The following NRP2 variants were observed in gnomAD, a reference collection of about 807,000 sequenced individuals.
The protein encoded by NRP2 is neuropilin-2.
Under a neutral mutation model 110.4 loss-of-function variants are expected in NRP2, and 52 were observed. That is an observed-to-expected ratio of 0.47 (90% CI 0.38 to 0.59). The LOEUF (loss-of-function observed/expected upper bound fraction) is 0.59, where lower values mean the gene tolerates loss of function less well. NRP2 is among the 20% of genes least tolerant of loss of function. NRP2 has a pLI of 0.00. For missense variants in NRP2, 1,049 were observed against 1,203.0 expected, an observed-to-expected ratio of 0.87 and a Z score of 1.89; for synonymous variants, 508 against 468.9, an observed-to-expected ratio of 1.08 and a Z score of -1.08.
In NRP2 at chr2:205,745,823, A is replaced by G. The variant is rs767989880; in HGVS notation, c.1719A>G (p.Val573=). 14 of 1,614,108 alleles carry G rather than the reference A, an allele frequency of 8.7e-6. No homozygotes were observed. The highest frequency in any genetic ancestry group is 1.2e-5 in the Non-Finnish European group (14 of 1,180,028). ...FDPIPAQYVR[V]YPERWSPAGI... ...CCATTCCGGCACAGTATGTGCGGGT[A>G]TACCCGGAGAGGTGGTCGCCGGCGG... The change falls in exon 10 of 17, where the codon GTA becomes GTG. Residue 573 remains valine (V), a synonymous_variant. Coordinates refer to ENST00000357785, the MANE Select transcript of NRP2 (RefSeq NM_003872.3).
At chr2:205,714,779 T>G (rs1240395108) in intron 2 of NRP2, among the ~76,000 whole-genome samples, 1 of 152,176 alleles carries the variant, frequency 6.6e-6, no homozygotes, top group Admixed American at 6.5e-5. Flanking sequence ...AAGAATGAAT[T>G]AATCCTGGCC....
intron 10 of NRP2, among the ~76,000 whole-genome samples, chr2:205,748,631 A>G (rs566962462): frequency 3.3e-5 from 5 of 152,350 alleles, no homozygotes; most frequent in African/African-American, 1.2e-4. Flanking sequence ...GCTTTATTAA[A>G]TGGTATCCTG....
intron 3 of NRP2, among the ~76,000 whole-genome samples, chr2:205,716,784 C>G (rs1399590965): frequency 6.6e-6 from 1 of 152,132 alleles, no homozygotes; most frequent in African/African-American, 2.4e-5. Flanking sequence ...AGGACATAAT[C>G]TTTTCATTGT....
chr2:205,710,644 G>C (rs949722), intron 2 of NRP2, among the ~76,000 whole-genome samples: 1,685 of 152,314 alleles, frequency 0.011, 13 homozygotes, highest in Non-Finnish European at 0.017. Flanking sequence ...GGCCTGAACC[G>C]ACCAGAGACC....
At chr2:205,777,270 C>A in intron 15 of NRP2, 3 of 422,924 alleles carry the variant, frequency 7.1e-6, no homozygotes, top group Non-Finnish European at 9.5e-6. Context: ...CCACCTGACC[C>A]AAGAGAAGGT....
At chr2:205,685,751 C>T (rs1261564303) in intron 1 of NRP2, 1 of 152,494 alleles carries the variant, frequency 6.6e-6, no homozygotes, top group Non-Finnish European at 1.5e-5. Flanking sequence ...GCCGCGACCC[C>T]TAGAGAGACG....
chr2:205,750,498 A>C (rs2057624302), intron 11 of NRP2, among the ~76,000 whole-genome samples: 1 of 152,256 alleles, frequency 6.6e-6, no homozygotes, highest in African/African-American at 2.4e-5. Context: ...GATGGGTCCC[A>C]TCACATGGGA....
chr2:205,696,320 C>T (rs1190472242), intron 1 of NRP2, among the ~76,000 whole-genome samples: 1 of 152,098 alleles, frequency 6.6e-6, no homozygotes, highest in Admixed American at 6.6e-5. Flanking sequence ...GGAGAAAGAC[C>T]CATCCTGGAG....
chr2:205,708,417 G>A (rs762708797), intron 2 of NRP2, among the ~76,000 whole-genome samples: 2 of 152,216 alleles, frequency 1.3e-5, no homozygotes, highest in Non-Finnish European at 2.9e-5. Flanking sequence ...CGAGGGAAAT[G>A]GTATTCACCC....
In NRP2 at chr2:205,683,252, C is replaced by T; in HGVS notation, c.-39C>T. The T allele has an allele frequency of 6.9e-7, 1 of 1,446,044 alleles. No individual in the cohort carries two copies. The highest frequency in any genetic ancestry group is 9.7e-7 in the Non-Finnish European group (1 of 1,028,390). 89.6% of individuals were successfully genotyped at this position (1,446,044 alleles called of 1,614,324 possible). On this transcript the variant is annotated 5_prime_UTR_variant, in exon 1 of 17. Coordinates refer to ENST00000357785, the MANE Select transcript of NRP2 (RefSeq NM_003872.3). ...AAAACACAAAGATTTAAACAAGAAA[C>T]CTACGAACCCAGCTCTGGAAAGAGC...
intron 2 of NRP2, among the ~76,000 whole-genome samples, chr2:205,713,365 G>A (rs1290003558): frequency 2.0e-5 from 3 of 152,102 alleles, no homozygotes; most frequent in Non-Finnish European, 2.9e-5. Context: ...CAGATGTCCC[G>A]ACCTACTGTG....
In NRP2 at chr2:205,697,654, C is replaced by T; in HGVS notation, c.184C>T (p.Pro62Ser). 1 of 1,614,012 alleles carries T rather than the reference C, an allele frequency of 6.2e-7. No homozygotes were observed. The highest frequency in any genetic ancestry group is 1.3e-5 in the African/African-American group (1 of 74,994). ...HQNCEWIVYA[P>S]EPNQKIVLNF... is the part of the protein sequence containing the mutation. ...GAACTGCGAGTGGATTGTTTACGCC[C>T]CCGAACCCAACCAGAAGATTGTCCT... The change falls in exon 2 of 17, where the codon CCC (proline) becomes TCC (serine). Residue 62 changes from proline (P) to serine (S), a missense_variant. Coordinates refer to ENST00000357785, the MANE Select transcript of NRP2 (RefSeq NM_003872.3).
chr2:205,758,564 T>A (rs1260827650), intron 12 of NRP2, among the ~76,000 whole-genome samples: 1 of 152,190 alleles, frequency 6.6e-6, no homozygotes, highest in Non-Finnish European at 1.5e-5. Flanking sequence ...CCTCTGTACT[T>A]CCTCTTCACC....
At chr2:205,700,047 A>G (rs918515293) in intron 2 of NRP2, among the ~76,000 whole-genome samples, 1 of 149,514 alleles carries the variant, frequency 6.7e-6, no homozygotes, top group Non-Finnish European at 1.5e-5. Context: ...CTCACTCTTC[A>G]AGGTATTTTT....
At chr2:205,754,870 G>A (rs946290946) in intron 12 of NRP2, among the ~76,000 whole-genome samples, 10 of 152,084 alleles carry the variant, frequency 6.6e-5, no homozygotes, top group East Asian at 5.8e-4. Flanking sequence ...GGATATAGCC[G>A]GGGTCCTCTG....
At chr2:205,710,541 T>G (rs184840549) in intron 2 of NRP2, among the ~76,000 whole-genome samples, 1 of 152,312 alleles carries the variant, frequency 6.6e-6, no homozygotes, top group East Asian at 1.9e-4. Flanking sequence ...GGAAATGAAA[T>G]TTACTTTAAA....
chr2:205,706,676 G>T (rs1356640101), intron 2 of NRP2, among the ~76,000 whole-genome samples: 1 of 152,072 alleles, frequency 6.6e-6, no homozygotes, highest in Non-Finnish European at 1.5e-5. Context: ...ATTTTGGGGG[G>T]TCATCTGCTG....
Position 205,716,289 on chromosome 2 carries a change from G to T in NRP2, c.348G>T (p.Ser116=). Residue 116 remains serine (S), a synonymous_variant, in exon 3 of 17, where the codon TCG becomes TCT. Coordinates refer to ENST00000357785, the MANE Select transcript of NRP2 (RefSeq NM_003872.3). The part of the protein sequence containing the change: ...GNIAPPTIIS[S]GSMLYIKFTS... ...TCGCCCCGCCCACCATCATCTCCTC[G>T]GGCTCCATGCTCTACATCAAGTTCA... 1 of 1,614,104 alleles carries T rather than the reference G, an allele frequency of 6.2e-7. No homozygotes were observed. Among genetic ancestry groups the T allele is most frequent in the Non-Finnish European group, 8.5e-7 (1 of 1,180,016 alleles).
chr2:205,718,753 C>T (rs1238777707), intron 3 of NRP2, among the ~76,000 whole-genome samples: 2 of 152,008 alleles, frequency 1.3e-5, no homozygotes, highest in Non-Finnish European at 2.9e-5. Context: ...ACCAGCCTGG[C>T]CAACATGGCG....
Sources: allele counts gnomAD v4.1 joint callset (sites outside exome capture counted in the v4.1 genomes callset), GRCh38; gene constraint gnomAD v4.1.1; transcripts MANE v1.5; gene names NCBI Gene and HGNC (gene_info 2026-07-23, HGNC 2026-07-21).